Variants in DPYS observed in about 807,000 individuals in gnomAD.
DPYS encodes dihydropyrimidine amidohydrolase.
In DPYS, 39 loss-of-function variants were observed where a neutral mutation model predicts 50.3. The observed-to-expected ratio is 0.78, with a 90% CI of 0.60 to 1.01. The LOEUF (loss-of-function observed/expected upper bound fraction) is 1.01, where lower values mean the gene tolerates loss of function less well. DPYS is among the 50% of genes least tolerant of loss of function. The pLI is 0.00. For synonymous variants in DPYS, 245 were observed against 250.7 expected (o/e 0.98, Z 0.22); for missense variants, 659 against 680.9 (o/e 0.97, Z 0.36).
chr8:104,401,286 AG>A (rs1213524558), intron 7 of DPYS, among the ~76,000 whole-genome samples: 26 of 126,994 alleles, frequency 2.0e-4, no homozygotes, highest in African/African-American at 8.0e-4. Flanking sequence ...CCTATGAGGT[AG>A]GTATTATTAT....
At chr8:104,412,098 G>A (rs969831197) in intron 7 of DPYS, among the ~76,000 whole-genome samples, 5 of 152,196 alleles carry the variant, frequency 3.3e-5, no homozygotes, top group African/African-American at 9.6e-5. Flanking sequence ...GAAGTGTTCT[G>A]CAGGTACATG....
chr8:104,402,394 C>T (rs1382691800), intron 7 of DPYS, among the ~76,000 whole-genome samples: 1 of 152,144 alleles, frequency 6.6e-6, no homozygotes, highest in Non-Finnish European at 1.5e-5. Flanking sequence ...GCCAAGCTAG[C>T]ATGATACTAG....
Position 104,413,429 on chromosome 8 carries a change from T to C in DPYS, c.1235+10818A>G, listed in dbSNP as rs112058801. Among the ~76,000 whole-genome samples, 533 of 152,110 alleles carry C rather than the reference T, an allele frequency of 3.5e-3. 5 individuals carry two copies. Among genetic ancestry groups the C allele is most frequent in the African/African-American group, 0.012 (502 of 41,532 alleles). On this transcript the variant is annotated intron_variant, in intron 7 of 9. Coordinates refer to ENST00000351513, the MANE Select transcript of DPYS (RefSeq NM_001385.3). ...AATGATAAACACCAAATTGGGTAGT[T>C]GTTGAGATGAGGAAGGAGACAGGCC...
Position 104,431,780 on chromosome 8 carries a change from T to C in DPYS, c.794-2079A>G, listed in dbSNP as rs192727009. On this transcript the variant is annotated intron_variant, in intron 4 of 9. Transcript: ENST00000351513. Reference sequence around the variant, plus strand: ...GGTTTGACAGATGAAAAAATTGATGTTCAATGAGACTAATGTGCTCAACAC... The same window carrying C: ...GGTTTGACAGATGAAAAAATTGATGCTCAATGAGACTAATGTGCTCAACAC... Among the ~76,000 whole-genome samples the C allele has an allele frequency of 1.5e-3, 228 of 152,288 alleles. 1 individual carries two copies. Among genetic ancestry groups the C allele is most frequent in the East Asian group, 4.6e-3 (24 of 5,184 alleles).
chr8:104,424,437 T>C, intron 6 of DPYS, 48 bp from the exon 7 acceptor site: 3 of 1,589,804 alleles, frequency 1.9e-6, no homozygotes, highest in East Asian at 2.2e-5. Flanking sequence ...TACTAAAAAG[T>C]ATCCTATCGA....
chr8:104,409,841 G>C (rs1371483766), intron 7 of DPYS, among the ~76,000 whole-genome samples: 1 of 152,178 alleles, frequency 6.6e-6, no homozygotes, highest in African/African-American at 2.4e-5. Context: ...AAAGAGCCTC[G>C]AAGAGGGGAG....
At chr8:104,391,109 G>A (rs1406538582) in intron 8 of DPYS, among the ~76,000 whole-genome samples, 1 of 152,162 alleles carries the variant, frequency 6.6e-6, no homozygotes. Context: ...AGAATTTAAA[G>A]CACGTGAGAA....
At chr8:104,420,934 C>G (rs1812519013) in intron 7 of DPYS, 1 of 152,128 alleles carries the variant, frequency 6.6e-6, no homozygotes, top group South Asian at 2.1e-4. Context: ...TTGTGTAACA[C>G]GTTCTTAGTT....
chr8:104,433,912 C>G (rs2853167), intron 4 of DPYS, among the ~76,000 whole-genome samples: 1 of 151,974 alleles, frequency 6.6e-6, no homozygotes, highest in African/African-American at 2.4e-5. Context: ...TCCAAAGCCT[C>G]TGTTGACAAA....
At chr8:104,406,812 T>C (rs1564087613) in intron 7 of DPYS, among the ~76,000 whole-genome samples, 9 of 152,178 alleles carry the variant, frequency 5.9e-5, no homozygotes, top group Admixed American at 5.9e-4. Context: ...TGCACACATA[T>C]GCATATGTAT....
Position 104,407,158 on chromosome 8 carries a change from C to T in DPYS, c.1236-14167G>A, listed in dbSNP as rs141501227. On this transcript the variant is annotated intron_variant, in intron 7 of 9. Transcript: ENST00000351513. ...ATTCAATCCTCATTATTTTATTTAA[C>T]CCTATGGAAGCAGAGTTTTTTCATA... Among the ~76,000 whole-genome samples, 310 of 152,268 alleles carry T rather than the reference C, an allele frequency of 2.0e-3. 1 individual carries two copies. The highest frequency in any genetic ancestry group is 5.6e-3 in the African/African-American group (231 of 41,556).
At chr8:104,408,557 G>T (rs1812071760) in intron 7 of DPYS, among the ~76,000 whole-genome samples, 1 of 152,126 alleles carries the variant, frequency 6.6e-6, no homozygotes, top group South Asian at 2.1e-4. Context: ...TCAAAAGATT[G>T]TACCCTTTGA....
At chr8:104,403,189 A>G (rs1280241097) in intron 7 of DPYS, among the ~76,000 whole-genome samples, 1 of 152,150 alleles carries the variant, frequency 6.6e-6, no homozygotes, top group Admixed American at 6.5e-5. Flanking sequence ...CAGGGTGTCC[A>G]CTGTACTCCT....
At chr8:104,432,458 C>T (rs1249382178) in intron 4 of DPYS, among the ~76,000 whole-genome samples, 1 of 152,150 alleles carries the variant, frequency 6.6e-6, no homozygotes, top group Non-Finnish European at 1.5e-5. Flanking sequence ...TTGAAAGATG[C>T]ACAGAAAAAG....
chr8:104,386,456 C>A (rs1378511647), intron 8 of DPYS, among the ~76,000 whole-genome samples: 2 of 151,616 alleles, frequency 1.3e-5, no homozygotes, highest in South Asian at 2.1e-4. Flanking sequence ...TTGCTTGAAC[C>A]CAGGAGGTGG....
chr8:104,404,199 C>T (rs1389594133), intron 7 of DPYS, among the ~76,000 whole-genome samples: 1 of 152,032 alleles, frequency 6.6e-6, no homozygotes, highest in Admixed American at 6.6e-5. Context: ...TTGCCTAAGA[C>T]ACAGTTGGCA....
intron 1 of DPYS, among the ~76,000 whole-genome samples, chr8:104,455,348 A>G (rs1393408476): frequency 6.6e-6 from 1 of 152,156 alleles, no homozygotes; most frequent in Non-Finnish European, 1.5e-5. Context: ...GGGCAGAATT[A>G]AGGTGACTGG....
chr8:104,398,671 C>G (rs1003882747), intron 7 of DPYS, among the ~76,000 whole-genome samples: 1 of 152,236 alleles, frequency 6.6e-6, no homozygotes, highest in Non-Finnish European at 1.5e-5. Flanking sequence ...CTGAACCCAA[C>G]TGCCCTCCAG....
chr8:104,424,427 T>C (rs1486403756), intron 6 of DPYS, 38 bp from the exon 7 acceptor site: 4 of 1,603,088 alleles, frequency 2.5e-6, no homozygotes, highest in Non-Finnish European at 3.4e-6. Flanking sequence ...AATGATCAAA[T>C]ACTAAAAAGT....
Sources: gnomAD v4.1 joint callset for allele counts (sites outside exome capture counted in the v4.1 genomes callset) on GRCh38, gnomAD v4.1.1 for gene constraint, MANE v1.5 for transcripts, NCBI Gene and HGNC (gene_info 2026-07-23, HGNC 2026-07-21) for gene names.